The following KCND2 variants were observed in gnomAD, a reference collection of about 807,000 sequenced individuals.
The protein encoded by KCND2 is A-type voltage-gated potassium channel KCND2.
A neutral mutation model predicts 54.4 loss-of-function variants in KCND2; 16 were observed. The observed-to-expected ratio is 0.29, with a 90% CI of 0.20 to 0.45. The LOEUF (loss-of-function observed/expected upper bound fraction) is 0.45. Ranked by LOEUF, KCND2 falls within the 20% of genes least tolerant of loss-of-function variation. The pLI, the probability that KCND2 is intolerant of heterozygous loss-of-function variation, is 1.00. For missense variants in KCND2, 486 were observed against 824.2 expected, an observed-to-expected ratio of 0.59 and a Z score of 5.02; for synonymous variants, 317 against 310.7, an observed-to-expected ratio of 1.02 and a Z score of -0.21.
At chr7:120,370,161 A>T (rs1422437582) in intron 1 of KCND2, among the ~76,000 whole-genome samples, 1 of 152,022 alleles carries the variant, frequency 6.6e-6, no homozygotes, top group Admixed American at 6.6e-5. Flanking sequence ...GGACTGAGCT[A>T]GAGCAATGGT....
intron 1 of KCND2, among the ~76,000 whole-genome samples, chr7:120,507,636 A>T (rs1803046683): frequency 6.6e-6 from 1 of 151,888 alleles, no homozygotes. Flanking sequence ...AGGTGACCTT[A>T]AGAAGACTAC....
chr7:120,633,096 T>C (rs1205888394), intron 1 of KCND2, among the ~76,000 whole-genome samples: 1 of 152,228 alleles, frequency 6.6e-6, no homozygotes, highest in Non-Finnish European at 1.5e-5. Context: ...ATTTCAAATA[T>C]TGAGAGAAAT....
chr7:120,488,376 A>T (rs1036569949), intron 1 of KCND2, among the ~76,000 whole-genome samples: 3 of 152,180 alleles, frequency 2.0e-5, no homozygotes, highest in African/African-American at 7.2e-5. Context: ...ATAAAATAAG[A>T]TGTGCTATAG....
At chr7:120,384,543 A>G (rs1800960531) in intron 1 of KCND2, among the ~76,000 whole-genome samples, 1 of 152,140 alleles carries the variant, frequency 6.6e-6, no homozygotes, top group Non-Finnish European at 1.5e-5. Context: ...TGTCACTATA[A>G]TACAGCACAT....
chr7:120,689,855 G>A (rs754183389), intron 1 of KCND2, among the ~76,000 whole-genome samples: 1 of 152,134 alleles, frequency 6.6e-6, no homozygotes, highest in Non-Finnish European at 1.5e-5. Flanking sequence ...GAATTCCCCA[G>A]AGCATCCTTC....
At chr7:120,653,720 A>G (rs1311468293) in intron 1 of KCND2, among the ~76,000 whole-genome samples, 1 of 152,238 alleles carries the variant, frequency 6.6e-6, no homozygotes, top group Admixed American at 6.5e-5. Context: ...AAACAACAGT[A>G]ACACACCTAC....
intron 1 of KCND2, among the ~76,000 whole-genome samples, chr7:120,480,348 C>A (rs570377342): frequency 2.2e-4 from 33 of 152,126 alleles, no homozygotes; most frequent in African/African-American, 7.5e-4. Flanking sequence ...CTGATACCAG[C>A]CCCCAACAGA....
chr7:120,390,959 G>C (rs1336425345), intron 1 of KCND2, among the ~76,000 whole-genome samples: 3 of 152,030 alleles, frequency 2.0e-5, no homozygotes, highest in African/African-American at 7.2e-5. Context: ...GGGCAGGTTA[G>C]TTACATAGGT....
intron 1 of KCND2, among the ~76,000 whole-genome samples, chr7:120,321,256 T>C (rs1799889630): frequency 6.6e-6 from 1 of 152,164 alleles, no homozygotes; most frequent in Non-Finnish European, 1.5e-5. Context: ...TACATTCTCA[T>C]ATACAGTTAC....
chr7:120,714,313 A>C (rs1267757166), intron 1 of KCND2, among the ~76,000 whole-genome samples: 2 of 86,822 alleles, frequency 2.3e-5, no homozygotes, highest in African/African-American at 5.1e-5. Context: ...AAGTTTTGAC[A>C]AAAAAAAATA....
Position 120,453,816 on chromosome 7 carries a change from A to G in KCND2, c.1115+178069A>G, listed in dbSNP as rs551087043. Among the ~76,000 whole-genome samples, 5 of 152,314 alleles carry G rather than the reference A, an allele frequency of 3.3e-5. No homozygotes were observed. In the East Asian group the frequency reaches 5.8e-4, roughly 18 times the overall value. On this transcript the variant is annotated intron_variant, in intron 1 of 5. Transcript: ENST00000331113. ...AAAAGTTAAAAAGAGTCCAGGCACAATGGCTCACACCTGTAATCCCAGCAC... is the reference window on the plus strand; with the variant it reads ...AAAAGTTAAAAAGAGTCCAGGCACAGTGGCTCACACCTGTAATCCCAGCAC...
At chr7:120,719,048 CTA>C in intron 1 of KCND2, among the ~76,000 whole-genome samples, 1 of 152,102 alleles carries the variant, frequency 6.6e-6, no homozygotes, top group South Asian at 2.1e-4. Flanking sequence ...TTCCAACTCC[CTA>C]TAGAAACTAG....
At chr7:120,644,216 G>C (rs1793410572) in intron 1 of KCND2, among the ~76,000 whole-genome samples, 1 of 152,144 alleles carries the variant, frequency 6.6e-6, no homozygotes, top group African/African-American at 2.4e-5. Context: ...TGGTAGGAGT[G>C]TCAGATGACC....
At chr7:120,461,695 A>G (rs549172188) in intron 1 of KCND2, among the ~76,000 whole-genome samples, 2 of 152,268 alleles carry the variant, frequency 1.3e-5, no homozygotes, top group East Asian at 3.9e-4. Context: ...ATATGTATGT[A>G]GATTAATGGA....
intron 1 of KCND2, among the ~76,000 whole-genome samples, chr7:120,671,288 C>T (rs1263147920): frequency 6.6e-6 from 1 of 151,988 alleles, no homozygotes; most frequent in East Asian, 1.9e-4. Context: ...ATGTACAGTT[C>T]ACAATTGGGT....
intron 1 of KCND2, among the ~76,000 whole-genome samples, chr7:120,300,038 T>A (rs1297783457): frequency 6.6e-6 from 1 of 152,162 alleles, no homozygotes; most frequent in Non-Finnish European, 1.5e-5. Flanking sequence ...CATGAAGAAA[T>A]TTTTAAGGAT....
chr7:120,743,238 A>G (rs1792963905), intron 4 of KCND2, among the ~76,000 whole-genome samples: 1 of 152,194 alleles, frequency 6.6e-6, no homozygotes, highest in Admixed American at 6.6e-5. Flanking sequence ...GTCATAATCT[A>G]TGATAATCAC....
intron 1 of KCND2, among the ~76,000 whole-genome samples, chr7:120,628,327 G>T (rs1360975044): frequency 1.3e-5 from 2 of 152,192 alleles, no homozygotes; most frequent in Non-Finnish European, 2.9e-5. Context: ...TGAGCAGCCA[G>T]GTCACTTTTG....
chr7:120,642,084 T>C (rs1793383708), intron 1 of KCND2, among the ~76,000 whole-genome samples: 1 of 152,106 alleles, frequency 6.6e-6, no homozygotes, highest in Non-Finnish European at 1.5e-5. Flanking sequence ...CCTCCTTTAA[T>C]AGGGTTTCAT....
Sources: allele counts gnomAD v4.1 joint callset (sites outside exome capture counted in the v4.1 genomes callset), GRCh38; gene constraint gnomAD v4.1.1; transcripts MANE v1.5; gene names NCBI Gene and HGNC (gene_info 2026-07-23, HGNC 2026-07-21).